The following NFXL1 variants were observed in gnomAD, a reference collection of about 807,000 sequenced individuals.
The protein encoded by NFXL1 is nuclear transcription factor, X-box binding like 1, also known as NF-X1-type zinc finger protein NFXL1.
Under a neutral mutation model 123.3 loss-of-function variants are expected in NFXL1, and 66 were observed. The ratio of observed to expected loss-of-function variants is 0.54; its 90% confidence interval spans 0.44 to 0.66. The LOEUF is 0.66. Ranked by LOEUF, NFXL1 falls within the 30% of genes least tolerant of loss-of-function variation. The probability of loss-of-function intolerance (pLI) is 0.00; values close to 1 mark genes in which losing one functional copy is unlikely to be tolerated. For missense variants in NFXL1, 944 were observed against 1,125.6 expected (o/e 0.84, Z 2.31); for synonymous variants, 346 against 360.8 (o/e 0.96, Z 0.46).
At chr4:47,895,473 G>A (rs578043387) in intron 10 of NFXL1, among the ~76,000 whole-genome samples, 134 of 152,260 alleles carry the variant, frequency 8.8e-4, no homozygotes, top group Non-Finnish European at 1.5e-3. Context: ...TGGATAACCC[G>A]ACAGCTTCTA....
At chr4:47,890,274 A>C (rs1253508154) in intron 12 of NFXL1, among the ~76,000 whole-genome samples, 1 of 152,156 alleles carries the variant, frequency 6.6e-6, no homozygotes, top group Non-Finnish European at 1.5e-5. Flanking sequence ...AAATGCTATG[A>C]ACACCTTCAT....
intron 15 of NFXL1, 32 bp downstream of exon 15, chr4:47,884,314 T>A: frequency 7.5e-7 from 1 of 1,328,302 alleles, no homozygotes; most frequent in Non-Finnish European, 1.1e-6. Flanking sequence ...AGTTTTTTGT[T>A]TTTTTTTTTT....
At chr4:47,898,109 G>A in intron 8 of NFXL1, 28 bp from the exon 9 acceptor site, 1 of 1,401,380 alleles carries the variant, frequency 7.1e-7, no homozygotes, top group Middle Eastern at 1.8e-4. Context: ...AAACACTAAT[G>A]AAGGATTTAA....
chr4:47,894,331 A>ATTGAT (rs1736951220), intron 10 of NFXL1, 29 bp from the exon 11 acceptor site: 1 of 1,526,646 alleles, frequency 6.6e-7, no homozygotes, highest in Non-Finnish European at 8.8e-7. Flanking sequence ...TGCTATTAAA[A>ATTGAT]TTGATTTTTG....
At chr4:47,904,114 G>A (rs1578040220) in intron 4 of NFXL1, among the ~76,000 whole-genome samples, 1 of 152,138 alleles carries the variant, frequency 6.6e-6, no homozygotes, top group South Asian at 2.1e-4. Context: ...CAGGAGTAAG[G>A]GGACTAGACA....
At chr4:47,912,661 T>C (rs921537505) in intron 2 of NFXL1, among the ~76,000 whole-genome samples, 4 of 141,768 alleles carry the variant, frequency 2.8e-5, no homozygotes, top group African/African-American at 1.0e-4. Flanking sequence ...GGTTTCACCC[T>C]GTTAGCCAGG....
Position 47,894,192 on chromosome 4 carries a change from T to C in NFXL1, c.1440A>G (p.Gln480=), listed in dbSNP as rs755479141. The change falls in exon 11 of 23, where the codon CAA becomes CAG. Residue 480 remains glutamine (Q), a synonymous_variant. Coordinates refer to ENST00000507489, the MANE Select transcript of NFXL1 (RefSeq NM_001278624.2). The part of the protein sequence containing the change: ...CVKMRDCQKH[Q]CRRKCCPGNC... The stretch of plus-strand genomic sequence containing the variant: ...TTAATACACAAACCTTTCTTCTACA[T>C]TGATGCTTCTGACAGTCACGCATCT... 6.9e-6 allele frequency: 11 copies of C among 1,602,778 alleles called. No individual in the cohort carries two copies. Among genetic ancestry groups the C allele is most frequent in the Admixed American group, 3.4e-5 (2 of 58,326 alleles).
At chr4:47,903,948 A>ATAGT (rs1234939438) in intron 4 of NFXL1, among the ~76,000 whole-genome samples, 5 of 152,250 alleles carry the variant, frequency 3.3e-5, no homozygotes, top group Non-Finnish European at 7.3e-5. Flanking sequence ...AAACACTTTG[A>ATAGT]TAAAACTGAT....
rs189890810 is a variant in NFXL1, at chr4:47,893,018, G to A, written c.1452+1162C>T. On this transcript the variant is annotated intron_variant, in intron 11 of 22. Coordinates refer to ENST00000507489, the MANE Select transcript of NFXL1 (RefSeq NM_001278624.2). ...GCATGAACATGCTAAGGAGAAACAC[G>A]GAAGATATAAAAAAGACCCAAATCC... Among the ~76,000 whole-genome samples, 32 of 152,064 alleles carry A rather than the reference G, an allele frequency of 2.1e-4. No homozygotes were observed. The East Asian group carries it at 5.2e-3, about 25-fold the overall frequency.
chr4:47,863,451 G>C (rs889598868), intron 18 of NFXL1, among the ~76,000 whole-genome samples: 1 of 152,110 alleles, frequency 6.6e-6, no homozygotes. Flanking sequence ...GGAGACTAAG[G>C]CAGGTGGATC....
chr4:47,902,136 C>T (rs1244608053), intron 5 of NFXL1, among the ~76,000 whole-genome samples: 4 of 151,862 alleles, frequency 2.6e-5, no homozygotes, highest in South Asian at 2.1e-4. Context: ...GAGCCAAGAG[C>T]GCACCACTGC....
At chr4:47,878,777 T>C in intron 16 of NFXL1, 112 bp from the exon 17 acceptor site, 1 of 741,660 alleles carries the variant, frequency 1.3e-6, no homozygotes, top group Non-Finnish European at 2.1e-6. Flanking sequence ...CAGAAAGGTA[T>C]AAGTTTGCAC....
chr4:47,880,214 T>C (rs1325120373), intron 15 of NFXL1, among the ~76,000 whole-genome samples: 1 of 151,740 alleles, frequency 6.6e-6, no homozygotes, highest in South Asian at 2.1e-4. Flanking sequence ...CTGAGCAACA[T>C]AATGAATCCC....
intron 17 of NFXL1, among the ~76,000 whole-genome samples, chr4:47,876,165 T>C (rs1735739873): frequency 6.6e-6 from 1 of 152,044 alleles, no homozygotes; most frequent in African/African-American, 2.4e-5. Context: ...AATATTATTT[T>C]ATAAATTATT....
At chr4:47,882,060 C>A (rs572212265) in intron 15 of NFXL1, among the ~76,000 whole-genome samples, 23 of 152,114 alleles carry the variant, frequency 1.5e-4, no homozygotes, top group African/African-American at 5.5e-4. Context: ...GATAAAGTAC[C>A]AATATTGGTT....
chr4:47,901,560 T>G (rs559834593), intron 5 of NFXL1, among the ~76,000 whole-genome samples: 1 of 152,146 alleles, frequency 6.6e-6, no homozygotes, highest in Non-Finnish European at 1.5e-5. Flanking sequence ...CAGTAAATAA[T>G]ATGCAGGAGC....
At chr4:47,883,431 G>T (rs1249452936) in intron 15 of NFXL1, among the ~76,000 whole-genome samples, 1 of 152,016 alleles carries the variant, frequency 6.6e-6, no homozygotes, top group Non-Finnish European at 1.5e-5. Flanking sequence ...GCAACAACTT[G>T]GTTCCTCATG....
intron 22 of NFXL1, among the ~76,000 whole-genome samples, chr4:47,849,821 G>A (rs1406799961): frequency 1.3e-5 from 2 of 152,080 alleles, no homozygotes; most frequent in Non-Finnish European, 2.9e-5. Flanking sequence ...ATAAATAGTG[G>A]AGGATTTGCA....
intron 3 of NFXL1, among the ~76,000 whole-genome samples, chr4:47,909,785 A>C (rs1470450903): frequency 6.6e-6 from 1 of 151,772 alleles, no homozygotes; most frequent in Non-Finnish European, 1.5e-5. Flanking sequence ...CAGCCTCCTG[A>C]GTAGCTGGGA....
Sources: allele counts gnomAD v4.1 joint callset (sites outside exome capture counted in the v4.1 genomes callset), GRCh38; gene constraint gnomAD v4.1.1; transcripts MANE v1.5; gene names NCBI Gene and HGNC (gene_info 2026-07-23, HGNC 2026-07-21).